ZNF14: variants seen among roughly 807,000 people sequenced by gnomAD.
The protein encoded by ZNF14 is gonadotropin inducible transcription repressor-4.
Under a neutral mutation model 11.3 loss-of-function variants are expected in ZNF14, and 9 were observed. The ratio of observed to expected loss-of-function variants is 0.80; its 90% CI spans 0.48 to 1.39. The LOEUF is 1.39. Among genes scored for constraint, ZNF14 ranks in the 40% most tolerant of loss-of-function variants. The pLI, the probability that ZNF14 is intolerant of heterozygous loss-of-function variation, is 0.00. For missense variants in ZNF14, 711 were observed against 763.9 expected, an observed-to-expected ratio of 0.93 and a Z score of 0.82; for synonymous variants, 239 against 245.7, an observed-to-expected ratio of 0.97 and a Z score of 0.25.
chr19:19,712,102 A>C lies in ZNF14; in HGVS notation c.1179T>G (p.Cys393Trp). The change falls in exon 4 of 4, where the codon TGT becomes TGG. Residue 393 changes from cysteine (C) to tryptophan (W), a missense_variant. Transcript: ENST00000344099. Reference sequence around the variant, plus strand: ...AACTGAAGGTTTTATGACACTGTTTACACTCATAAGGTTTCTCTCCAGTAT... The same window carrying C: ...AACTGAAGGTTTTATGACACTGTTTCCACTCATAAGGTTTCTCTCCAGTAT... ...RTHTGEKPYE[C>W]KQCHKTFSFS... 1 of 1,613,882 alleles carries C rather than the reference A, an allele frequency of 6.2e-7. No individual in the cohort carries two copies. Among genetic ancestry groups the C allele is most frequent in the African/African-American group, 1.3e-5 (1 of 75,004 alleles).
At chr19:19,718,361 A>G (rs1320986245) in intron 1 of ZNF14, among the ~76,000 whole-genome samples, 1 of 152,240 alleles carries the variant, frequency 6.6e-6, no homozygotes, top group Non-Finnish European at 1.5e-5. Flanking sequence ...ACAGAAATGA[A>G]GAACAGCCTT....
At chr19:19,725,261 T>C (rs34893416) in intron 1 of ZNF14, among the ~76,000 whole-genome samples, 37,318 of 132,540 alleles carry the variant, frequency 0.28, 11,907 homozygotes, top group Non-Finnish European at 0.39. Flanking sequence ...GGAGCTCTTT[T>C]AGGGCAGGCC....
At chr19:19,729,625 C>T (rs972891369) in intron 1 of ZNF14, among the ~76,000 whole-genome samples, 26 of 152,088 alleles carry the variant, frequency 1.7e-4, no homozygotes, top group East Asian at 9.7e-4. Context: ...CCTACACACA[C>T]GACTTCTGAA....
chr19:19,729,320 T>A (rs1349820363), intron 1 of ZNF14, among the ~76,000 whole-genome samples: 1 of 6,000 alleles, frequency 1.7e-4, no homozygotes, highest in African/African-American at 7.9e-4. Context: ...CACACACAAC[T>A]TTTTTTTTTT....
At position 19,733,025 on chromosome 19, in the gene ZNF14, G is replaced by T. The variant is rs556681245; in HGVS notation, c.-67C>A. ...TGTCAGTACCTGCAGGTCACGGCGC[G>T]ACAAAGGATGCGCTAGAGCCACCTT... On this transcript the variant is annotated 5_prime_UTR_variant, in exon 1 of 4. Transcript: ENST00000344099. 1.3e-6 allele frequency: 2 copies of T among 1,593,428 alleles called. No individual in the cohort carries two copies. The highest frequency in any genetic ancestry group is 2.3e-5 in the East Asian group (1 of 44,006).
Position 19,712,815 on chromosome 19 carries a change from A to G in ZNF14, c.466T>C (p.Phe156Leu), listed in dbSNP as rs1228502315. The G allele has an allele frequency of 6.2e-7, 1 of 1,614,202 alleles. No individual in the cohort carries two copies. Among genetic ancestry groups the G allele is most frequent in the Non-Finnish European group, 8.5e-7 (1 of 1,180,032 alleles). ...GTGTGAGTTCTTTCATGTTTGCGAAAGCAGTGGTGATAACTGAAGGTTTTC... is the reference window on the plus strand; with the variant it reads ...GTGTGAGTTCTTTCATGTTTGCGAAGGCAGTGGTGATAACTGAAGGTTTTC... ...VGKTFSYHHCFRKHERTHTGV... is the reference protein window; with the variant it reads ...VGKTFSYHHCLRKHERTHTGV... The change falls in exon 4 of 4, where the codon TTT (phenylalanine) becomes CTT (leucine). Residue 156 changes from phenylalanine to leucine, a missense_variant. Transcript: ENST00000344099.
chr19:19,714,884 A>G (rs1337214443), intron 1 of ZNF14, among the ~76,000 whole-genome samples: 1 of 151,378 alleles, frequency 6.6e-6, no homozygotes, highest in East Asian at 1.9e-4. Context: ...AATTTTTTGT[A>G]TTTTTAGTAG....
Position 19,711,620 on chromosome 19 carries a change from G to C in ZNF14, c.1661C>G (p.Thr554Ser). The C allele has an allele frequency of 6.2e-7, 1 of 1,614,112 alleles. No homozygotes were observed. The highest frequency in any genetic ancestry group is 2.2e-5 in the East Asian group (1 of 44,878). ...TTTACATTGATACGGTTTCTCTCCA[G>C]TGTGAGTCCTTTCATGCAATCGAAT... ...SQIRLHERTH[T>S]GEKPYQCKQC... Residue 554 changes from threonine to serine, a missense_variant, in exon 4 of 4, where the codon ACT (threonine) becomes AGT (serine). Transcript: ENST00000344099.
Position 19,712,376 on chromosome 19 carries a change from C to T in ZNF14, c.905G>A (p.Ser302Asn). ...TTTACATTCATAGGGTTTCTCTCCA[C>T]TATGAGTCCTTTTATGCCTTCGAAA... The part of the protein sequence containing the change: ...SSFRRHKRTH[S>N]GEKPYECKEC... The change falls in exon 4 of 4, where the codon AGT (serine) becomes AAT (asparagine). Residue 302 changes from serine (S) to asparagine (N), a missense_variant. Ser to Asn is a conservative substitution (Grantham distance 46, BLOSUM62 1). Transcript: ENST00000344099. The T allele has an allele frequency of 6.2e-7, 1 of 1,611,302 alleles. No individual in the cohort carries two copies.
chr19:19,732,070 A>AC (rs2062425535), intron 1 of ZNF14, among the ~76,000 whole-genome samples: 1 of 151,796 alleles, frequency 6.6e-6, no homozygotes, highest in East Asian at 1.9e-4. Flanking sequence ...CGTCACACAC[A>AC]AAAAAAAATG....
At position 19,711,237 on chromosome 19, in the gene ZNF14, A is replaced by T; in HGVS notation, c.*115T>A. On this transcript the variant is annotated 3_prime_UTR_variant, in exon 4 of 4. Transcript: ENST00000344099. ...TTTCGTGCTCAAAAGAAACTGGAAC[A>T]ATTAAGGGCTTTAGAACAATGTTTG... The T allele has an allele frequency of 8.2e-7, 1 of 1,215,612 alleles. No homozygotes were observed. Among genetic ancestry groups the T allele is most frequent in the Admixed American group, 2.9e-5 (1 of 34,740 alleles). The allele number at this position is 1,215,612 out of a possible 1,614,324, so 75.3% of individuals were successfully genotyped here.
In ZNF14 at chr19:19,714,369, A is replaced by G; in HGVS notation, c.122T>C (p.Val41Ala). 6.2e-7 allele frequency: 1 copy of G among 1,614,008 alleles called. No individual in the cohort carries two copies. Among genetic ancestry groups the G allele is most frequent in the Non-Finnish European group, 8.5e-7 (1 of 1,179,994 alleles). The change falls in exon 2 of 4, where the codon GTT becomes GCT. Residue 41 changes from valine to alanine, a missense_variant. Coordinates refer to ENST00000344099, the MANE Select transcript of ZNF14 (RefSeq NM_021030.3). Reference protein sequence around the residue: ...DVMQETFKNLVCLGKKWEDQD... With the variant: ...DVMQETFKNLACLGKKWEDQD... The stretch of plus-strand genomic sequence containing the variant: ...AATGTTGATATCCTTACCTAGACAA[A>G]CCAGGTTTTTGAAGGTCTCCTGCAT...
At chr19:19,730,546 G>A (rs1367146597) in intron 1 of ZNF14, among the ~76,000 whole-genome samples, 2 of 152,114 alleles carry the variant, frequency 1.3e-5, no homozygotes, top group African/African-American at 4.8e-5. Context: ...TAAACTTGAC[G>A]GTGAAAGACT....
At chr19:19,730,570 A>G (rs1463233276) in intron 1 of ZNF14, among the ~76,000 whole-genome samples, 1 of 152,224 alleles carries the variant, frequency 6.6e-6, no homozygotes, top group Non-Finnish European at 1.5e-5. Context: ...TGCAAACCCA[A>G]TGTACTAAGC....
At position 19,712,628 on chromosome 19, in the gene ZNF14, G is replaced by A. The variant is rs1397416518; in HGVS notation, c.653C>T (p.Thr218Ile). Residue 218 changes from threonine to isoleucine, a missense_variant, in exon 4 of 4, where the codon ACT becomes ATT. Physicochemically the swap from Thr to Ile is moderately conservative, Grantham distance 89. Coordinates refer to ENST00000344099, the MANE Select transcript of ZNF14 (RefSeq NM_021030.3). ...TTTACATTCATAGGGTTTCTTTCCA[G>A]TATGAGCATGTTTTTGAAAAGACTG... ...YYQSFQKHAH[T>I]GKKPYECKQC... is the part of the protein sequence containing the mutation. The A allele has an allele frequency of 6.2e-7, 1 of 1,613,944 alleles. No homozygotes were observed. The highest frequency in any genetic ancestry group is 1.7e-5 in the Admixed American group (1 of 59,980).
Position 19,710,496 on chromosome 19 carries a change from G to A in ZNF14, c.*856C>T, listed in dbSNP as rs1347612374. The A allele has an allele frequency of 6.6e-6, 1 of 151,976 alleles. No individual in the cohort carries two copies. The highest frequency in any genetic ancestry group is 2.4e-5 in the African/African-American group (1 of 41,348). The allele number at this position is 151,976 out of a possible 1,614,324, so 9.4% of individuals were successfully genotyped here. A position where few individuals can be genotyped will look rare whatever the true frequency, so the allele number is the denominator to read the frequency against. ...ATAAGATTGTAAAATTTTATTACTG[G>A]GCTGTTTACATGATACTTTCTTTCT... On this transcript the variant is annotated 3_prime_UTR_variant, in exon 4 of 4. Coordinates refer to ENST00000344099, the MANE Select transcript of ZNF14 (RefSeq NM_021030.3).
chr19:19,718,958 G>T (rs2062385082), intron 1 of ZNF14, among the ~76,000 whole-genome samples: 1 of 152,098 alleles, frequency 6.6e-6, no homozygotes, highest in African/African-American at 2.4e-5. Context: ...TAGAGATGGG[G>T]TTTTGCCATG....
In ZNF14 at chr19:19,712,553, C is replaced by T; in HGVS notation, c.728G>A (p.Arg243Lys). The change falls in exon 4 of 4, where the codon AGG becomes AAG. Residue 243 changes from arginine (R) to lysine (K), a missense_variant. Coordinates refer to ENST00000344099, the MANE Select transcript of ZNF14 (RefSeq NM_021030.3). ...ATAGGGTTTCTCTCCAGTGTGAGTC[C>T]TTTTGTGTCTTTGAAAAGATTGGTA... ...ICYQSFQRHK[R>K]THTGEKPYEC... The T allele has an allele frequency of 3.1e-6, 5 of 1,613,064 alleles. No homozygotes were observed. The highest frequency in any genetic ancestry group is 4.2e-6 in the Non-Finnish European group (5 of 1,179,760).
chr19:19,728,991 C>G (rs988066661), intron 1 of ZNF14, among the ~76,000 whole-genome samples: 60 of 152,048 alleles, frequency 3.9e-4, no homozygotes, highest in African/African-American at 1.3e-3. Flanking sequence ...CTTTTCCCCC[C>G]GACAAGACGG....
Sources: allele counts gnomAD v4.1 joint callset (sites outside exome capture counted in the v4.1 genomes callset), GRCh38; gene constraint gnomAD v4.1.1; transcripts MANE v1.5; gene names NCBI Gene and HGNC (gene_info 2026-07-23, HGNC 2026-07-21).